The following ZNF462 variants were observed in gnomAD, a reference collection of about 807,000 sequenced individuals.
ZNF462 encodes the protein zinc finger protein 462.
Under a neutral mutation model 201.9 loss-of-function variants are expected in ZNF462, and 10 were observed. That is an observed-to-expected ratio of 0.05 (90% CI 0.03 to 0.08). ZNF462 has a LOEUF of 0.08. Ranked by LOEUF, ZNF462 falls within the 10% of genes least tolerant of loss-of-function variation. ZNF462 has a pLI of 1.00. For missense variants in ZNF462, 2,523 were observed against 3,168.3 expected, an observed-to-expected ratio of 0.80 and a Z score of 4.89; for synonymous variants, 1,227 against 1,193.3, an observed-to-expected ratio of 1.03 and a Z score of -0.58.
rs988044080 is a variant in ZNF462 at position 107,010,565 on chromosome 9, A to T, written c.7314-258A>T. On this transcript the variant is annotated intron_variant, in intron 12 of 12. Transcript: ENST00000277225. The surrounding 1 kb of genome is among the most constrained non-coding windows in gnomAD (Gnocchi z 4.6). ...TTATCTAGAAAGAAAACATGGGATAATCAATATATAGTATAATAATGGATA... is the reference window on the plus strand; with the variant it reads ...TTATCTAGAAAGAAAACATGGGATATTCAATATATAGTATAATAATGGATA... Among the ~76,000 whole-genome samples, 2 of 152,128 alleles carry T rather than the reference A, an allele frequency of 1.3e-5. No homozygotes were observed. The highest frequency in any genetic ancestry group is 4.8e-5 in the African/African-American group (2 of 41,422).
intron 1 of ZNF462, among the ~76,000 whole-genome samples, chr9:106,904,503 C>T (rs189991038): frequency 4.1e-4 from 62 of 152,276 alleles, no homozygotes; most frequent in African/African-American, 1.4e-3. Context: ...AAGTTTTCCT[C>T]AATTATTCCC....
At chr9:106,958,845 G>A (rs1831699670) in intron 7 of ZNF462, among the ~76,000 whole-genome samples, 1 of 152,120 alleles carries the variant, frequency 6.6e-6, no homozygotes, top group South Asian at 2.1e-4. Context: ...GAGTTGGAGT[G>A]TCAGGTAAGG....
In ZNF462 at chr9:106,928,538, G is replaced by A. The variant is rs1196328556; in HGVS notation, c.4626G>A (p.Lys1542=). The A allele has an allele frequency of 1.9e-6, 3 of 1,613,998 alleles. No individual in the cohort carries two copies. The highest frequency in any genetic ancestry group is 2.5e-6 in the Non-Finnish European group (3 of 1,180,040). The part of the protein sequence containing the change: ...THYQKRHPSI[K]VTAEDFVHDV... ...ACCAGAAGCGACACCCGTCCATCAAGGTGACCGCTGAGGACTTTGTGCACG... is the reference window on the plus strand; with the variant it reads ...ACCAGAAGCGACACCCGTCCATCAAAGTGACCGCTGAGGACTTTGTGCACG... Residue 1542 remains lysine, a synonymous_variant, in exon 3 of 13, where the codon AAG becomes AAA. Transcript: ENST00000277225. This position sits in a 1 kb window ranked among gnomAD's most constrained non-coding sequence, Gnocchi z 9.3.
In ZNF462 at chr9:107,011,216, A is replaced by G; in HGVS notation, c.*186A>G. ...GAGTATGTAAATTAAAGTTATTTAA[A>G]TGGTTGGAATATGTGGCTCCTTTTC... On this transcript the variant is annotated 3_prime_UTR_variant, in exon 13 of 13. Transcript: ENST00000277225. The surrounding 1 kb of genome is among the most constrained non-coding windows in gnomAD (Gnocchi z 5.6). 2 of 579,140 alleles carry G rather than the reference A, an allele frequency of 3.5e-6. No homozygotes were observed. The highest frequency in any genetic ancestry group is 3.1e-6 in the Non-Finnish European group (1 of 326,928). The allele number at this position is 579,140 out of a possible 1,614,324, so 35.9% of individuals were successfully genotyped here.
In ZNF462 at chr9:106,929,461, A is replaced by G. The variant is rs780431583; in HGVS notation, c.5549A>G (p.Lys1850Arg). 2 of 1,614,140 alleles carry G rather than the reference A, an allele frequency of 1.2e-6. No homozygotes were observed. Among genetic ancestry groups the G allele is most frequent in the Non-Finnish European group, 1.7e-6 (2 of 1,180,042 alleles). The change falls in exon 3 of 13, where the codon AAA becomes AGA. Residue 1850 changes from lysine to arginine, a missense_variant. By Grantham distance (26) the Lys-to-Arg change is conservative. Around this residue, in one of 15 missense-constraint regions of ZNF462, gnomAD observed 207 missense variants for 231.6 expected, o/e 0.89. Transcript: ENST00000277225. This position sits in a 1 kb window ranked among gnomAD's most constrained non-coding sequence, Gnocchi z 8.7. ...EIEWLPFRCIKCFKLSFSTAE... is the reference protein window; with the variant it reads ...EIEWLPFRCIRCFKLSFSTAE... Reference sequence around the variant, plus strand: ...GAGTGGCTCCCATTCCGCTGCATCAAATGCTTCAAGCTGTCCTTTAGCACT... The same window carrying G: ...GAGTGGCTCCCATTCCGCTGCATCAGATGCTTCAAGCTGTCCTTTAGCACT...
At chr9:106,899,231 T>C (rs1339193819) in intron 1 of ZNF462, among the ~76,000 whole-genome samples, 1 of 45,128 alleles carries the variant, frequency 2.2e-5, no homozygotes, top group Admixed American at 3.5e-4. Flanking sequence ...TGTGTATGTG[T>C]GTGTGTGTGG....
In ZNF462 at chr9:106,898,482, A is replaced by T. The variant is rs113925194; in HGVS notation, c.-30-24872A>T. On this transcript the variant is annotated intron_variant, in intron 1 of 12. Transcript: ENST00000277225. Reference sequence around the variant, plus strand: ...GACAGTTGAAGCACTGTTGGTTGTCACTACTGGGGATGAGGGAAGATGCTA... The same window carrying T: ...GACAGTTGAAGCACTGTTGGTTGTCTCTACTGGGGATGAGGGAAGATGCTA... Among the ~76,000 whole-genome samples the T allele has an allele frequency of 6.4e-3, 979 of 152,288 alleles. 15 individuals carry two copies. The highest frequency in any genetic ancestry group is 0.023 in the African/African-American group (951 of 41,556).
rs1830385156 is a variant in ZNF462 at position 106,930,574 on chromosome 9, T to C, written c.5897T>C (p.Val1966Ala). The change falls in exon 4 of 13, where the codon GTG (valine) becomes GCG (alanine). Residue 1966 changes from valine (V) to alanine (A), a missense_variant. This residue lies in a region of ZNF462 where 107 missense variants were observed against 187.7 expected (regional missense o/e 0.57). Transcript: ENST00000277225. The surrounding 1 kb of genome is among the most constrained non-coding windows in gnomAD (Gnocchi z 5.8). ...EVPKIKERKV[V>A]GYKCKFCVEV... ...CCAAAGATCAAGGAGAGGAAAGTGG[T>C]GGGCTACAAATGTAAATTCTGTGTG... is the stretch of plus-strand genomic sequence containing the variant. The C allele has an allele frequency of 2.5e-6, 4 of 1,613,954 alleles. No individual in the cohort carries two copies. The South Asian group carries it at 3.3e-5, about 13-fold the overall frequency.
intron 10 of ZNF462, among the ~76,000 whole-genome samples, chr9:106,987,033 A>ATAGG (rs1564154270): frequency 1.4e-5 from 2 of 142,038 alleles, no homozygotes; most frequent in African/African-American, 5.1e-5. Flanking sequence ...AGATAGATAG[A>ATAGG]TAGATATCAC....
chr9:106,862,073 AC>A (rs959633105), upstream of ZNF462, among the ~76,000 whole-genome samples: 4 of 150,816 alleles, frequency 2.7e-5, no homozygotes, highest in African/African-American at 7.3e-5. The surrounding 1 kb of genome is among the most constrained non-coding windows in gnomAD (Gnocchi z 4.2). Context: ...TTCCTCCTCC[AC>A]CCCCCCACCT....
intron 10 of ZNF462, among the ~76,000 whole-genome samples, chr9:106,998,372 A>C (rs1404823914): frequency 5.3e-5 from 8 of 152,196 alleles, no homozygotes; most frequent in Non-Finnish European, 4.4e-5. Flanking sequence ...TGGGTTTGCT[A>C]TCCTAGTACA....
In ZNF462 at chr9:106,989,072, A is replaced by G. The variant is rs539042626; in HGVS notation, c.7056+4663A>G. On this transcript the variant is annotated intron_variant, in intron 10 of 12. Transcript: ENST00000277225. ...TGTTTTGGCAAGGACTTCCAGTACT[A>G]TGTTGAAGAGGAGTGGTGAGAGTGG... Among the ~76,000 whole-genome samples, 6 of 152,064 alleles carry G rather than the reference A, an allele frequency of 3.9e-5. 1 individual carries two copies. The highest frequency in any genetic ancestry group is 2.6e-4 in the Admixed American group (4 of 15,238).
rs772463410 is a variant in ZNF462 at position 106,928,889 on chromosome 9, G to A, written c.4977G>A (p.Val1659=). 4 of 1,614,060 alleles carry A rather than the reference G, an allele frequency of 2.5e-6. No homozygotes were observed. The highest frequency in any genetic ancestry group is 3.4e-6 in the Non-Finnish European group (4 of 1,180,040). The change falls in exon 3 of 13, where the codon GTG becomes GTA. Residue 1659 remains valine, a synonymous_variant. Coordinates refer to ENST00000277225, the MANE Select transcript of ZNF462 (RefSeq NM_021224.6). This position sits in a 1 kb window ranked among gnomAD's most constrained non-coding sequence, Gnocchi z 9.3. ...CCTCCCACCTGGTCTCCCACACTGT[G>A]TTCCGGTGCCAGCTCTGCAAGTACT... The part of the protein sequence containing the change: ...FSTSHLVSHT[V]FRCQLCKYFC...
At chr9:106,882,580 TTGTC>T (rs761807522) in intron 1 of ZNF462, among the ~76,000 whole-genome samples, 50 of 152,328 alleles carry the variant, frequency 3.3e-4, no homozygotes, top group Admixed American at 9.8e-4. Context: ...GAAAATTTGT[TTGTC>T]GGTAGCTTTT....
In ZNF462 at chr9:106,981,605, G is replaced by A. The variant is rs10978692; in HGVS notation, c.6833-2581G>A. 3.9e-5 allele frequency among the ~76,000 whole-genome samples: 6 copies of A among 152,228 alleles called. No homozygotes were observed. The East Asian group carries it at 1.2e-3, about 29-fold the overall frequency. On this transcript the variant is annotated intron_variant, in intron 9 of 12. Coordinates refer to ENST00000277225, the MANE Select transcript of ZNF462 (RefSeq NM_021224.6). This position sits in a 1 kb window ranked among gnomAD's most constrained non-coding sequence, Gnocchi z 4.0. ...TAGCGAGCACTTAATAGTCTGCAGT[G>A]GTGTTCACATGAATAATTACTTGAA...
In ZNF462 at chr9:106,870,540, T is replaced by C. The variant is rs895931795; in HGVS notation, c.-31+7185T>C. On this transcript the variant is annotated intron_variant, in intron 1 of 12. Transcript: ENST00000277225. This position sits in a 1 kb window ranked among gnomAD's most constrained non-coding sequence, Gnocchi z 4.3. ...TACTTGAAGATGAGAACTGTGTAAT[T>C]CAGGAAGTTATTTGCTAGACCTTCA... Among the ~76,000 whole-genome samples, 1 of 152,204 alleles carries C rather than the reference T, an allele frequency of 6.6e-6. No individual in the cohort carries two copies. Among genetic ancestry groups the C allele is most frequent in the Non-Finnish European group, 1.5e-5 (1 of 68,048 alleles).
At chr9:106,944,785 T>C (rs73522987) in intron 7 of ZNF462, among the ~76,000 whole-genome samples, 1,923 of 152,306 alleles carry the variant, frequency 0.013, 45 homozygotes, top group African/African-American at 0.044. Flanking sequence ...AGCTTCTACA[T>C]AGGACATAAG....
chr9:106,958,427 A>AAAGGGTCTTTAAAAAGC (rs1831678252), intron 7 of ZNF462, among the ~76,000 whole-genome samples: 1 of 152,088 alleles, frequency 6.6e-6, no homozygotes, highest in Non-Finnish European at 1.5e-5. Context: ...GCTACACTGA[A>AAAGGGTCTTTAAAAAGC]TACCCTGTCT....
At position 106,925,583 on chromosome 9, in the gene ZNF462, A is replaced by G. The variant is rs1185880298; in HGVS notation, c.1671A>G (p.Pro557=). The G allele has an allele frequency of 6.2e-7, 1 of 1,612,500 alleles. No homozygotes were observed. Among genetic ancestry groups the G allele is most frequent in the Non-Finnish European group, 8.5e-7 (1 of 1,179,174 alleles). The change falls in exon 3 of 13, where the codon CCA becomes CCG. Residue 557 remains proline, a synonymous_variant. Transcript: ENST00000277225. The surrounding 1 kb of genome is among the most constrained non-coding windows in gnomAD (Gnocchi z 7.9). ...CGCCGCCACCACCACCATCACAGCC[A>G]CAGCCACTGCAGCAGCCACAGCCAC... The part of the protein sequence containing the change: ...PPPPPPPPSQ[P]QPLQQPQPPQ...
Sources: gnomAD v4.1 joint callset for allele counts (sites outside exome capture counted in the v4.1 genomes callset) on GRCh38, gnomAD v4.1.1 for gene constraint, gnomAD v4.1.1 regional missense constraint, Gnocchi (gnomAD v3.1) non-coding constraint, MANE v1.5 for transcripts, NCBI Gene and HGNC (gene_info 2026-07-23, HGNC 2026-07-21) for gene names.